The following TRPM2 variants were observed in gnomAD, a reference collection of about 807,000 sequenced individuals.
TRPM2 encodes transient receptor potential cation channel subfamily M member 2.
A neutral mutation model predicts 174.0 loss-of-function variants in TRPM2; 161 were observed. That is an observed-to-expected ratio of 0.93 (90% CI 0.81 to 1.05). TRPM2 has a LOEUF of 1.05. Ranked by LOEUF, TRPM2 falls within the 50% of genes least tolerant of loss-of-function variation. TRPM2 has a pLI of 0.00. For missense variants in TRPM2, 2,057 were observed against 2,038.0 expected (o/e 1.01, Z -0.18); for synonymous variants, 954 against 861.3 (o/e 1.11, Z -1.88).
Position 44,376,785 on chromosome 21 carries a change from T to C in TRPM2, c.952+772T>C, listed in dbSNP as rs1385933142. 6.6e-6 allele frequency among the ~76,000 whole-genome samples: 1 copy of C among 152,190 alleles called. No individual in the cohort carries two copies. The highest frequency in any genetic ancestry group is 1.5e-5 in the Non-Finnish European group (1 of 68,032). ...GGGCTGGGGTCCCTTGCAGGGTTCC[T>C]TGTGCATCGAACTCCCCTGGAGGGT... On this transcript the variant is annotated intron_variant, in intron 6 of 31. Transcript: ENST00000397928. This position sits in a 1 kb window ranked among gnomAD's most constrained non-coding sequence, Gnocchi z 4.2.
At chr21:44,423,613 T>C (rs202010855) in intron 22 of TRPM2, 32 bp from the exon 23 acceptor site, 1 of 1,587,508 alleles carries the variant, frequency 6.3e-7, no homozygotes, top group Non-Finnish European at 8.6e-7. Context: ...CAAGGTGTGG[T>C]GTGCGTCCAG....
chr21:44,403,203 C>T (rs1450124071), intron 16 of TRPM2, among the ~76,000 whole-genome samples: 1 of 152,184 alleles, frequency 6.6e-6, no homozygotes, highest in Non-Finnish European at 1.5e-5. Flanking sequence ...CTTCCTTCTC[C>T]CTGCATCTGT....
chr21:44,358,863 C>G (rs967787398), intron 2 of TRPM2, among the ~76,000 whole-genome samples: 2 of 152,152 alleles, frequency 1.3e-5, no homozygotes, highest in African/African-American at 4.8e-5. Flanking sequence ...GTGAGTGTCA[C>G]AGCTCTTGAA....
At chr21:44,429,473 G>C (rs1275734603) in intron 27 of TRPM2, among the ~76,000 whole-genome samples, 1 of 151,592 alleles carries the variant, frequency 6.6e-6, no homozygotes, top group Admixed American at 6.6e-5. Flanking sequence ...TTTTAGTAGA[G>C]ATGGGGTTTC....
chr21:44,392,841 C>T (rs565846814), intron 11 of TRPM2, among the ~76,000 whole-genome samples: 125 of 152,252 alleles, frequency 8.2e-4, no homozygotes, highest in Non-Finnish European at 1.5e-3. Flanking sequence ...TTTTTTCCGA[C>T]AGTCAGGTCA....
At position 44,354,783 on chromosome 21, in the gene TRPM2, A is replaced by G. The variant is rs9979269; in HGVS notation, c.254+47A>G. 5.4e-3 allele frequency: 8,526 copies of G among 1,571,124 alleles called. 389 individuals are homozygous for G. In the African/African-American group the frequency reaches 0.099, roughly 18 times the overall value. ...TAAGACCTCTGACTTCTTCCTTCCG[A>G]TCCCACATGGAGTAGCTGATCAGGC... On this transcript the variant is annotated intron_variant, in intron 2 of 31. Coordinates refer to ENST00000397928, the MANE Select transcript of TRPM2 (RefSeq NM_003307.4). This position sits in a 1 kb window ranked among gnomAD's most constrained non-coding sequence, Gnocchi z 4.3.
chr21:44,367,054 C>T lies in TRPM2; in HGVS notation c.604+120C>T, dbSNP rs1167220567. On this transcript the variant is annotated intron_variant, in intron 4 of 31. Transcript: ENST00000397928. This position sits in a 1 kb window ranked among gnomAD's most constrained non-coding sequence, Gnocchi z 4.6. Reference sequence around the variant, plus strand: ...TCCCTGGGAGCCGCCGAGGCTGTGCCCCAGCCTGAGTCGGACCCATGCACC... The same window carrying T: ...TCCCTGGGAGCCGCCGAGGCTGTGCTCCAGCCTGAGTCGGACCCATGCACC... 1 of 1,253,850 alleles carries T rather than the reference C, an allele frequency of 8.0e-7. No individual in the cohort carries two copies. The highest frequency in any genetic ancestry group is 1.1e-6 in the Non-Finnish European group (1 of 930,808). 77.7% of individuals were successfully genotyped at this position (1,253,850 alleles called of 1,614,324 possible).
chr21:44,380,510 C>T (rs2048848245), intron 8 of TRPM2, among the ~76,000 whole-genome samples: 2 of 152,206 alleles, frequency 1.3e-5, no homozygotes, highest in Non-Finnish European at 2.9e-5. Context: ...ATTTTTAATG[C>T]ACTCTCCATA....
intron 27 of TRPM2, among the ~76,000 whole-genome samples, chr21:44,434,352 C>T (rs1003716083): frequency 3.4e-5 from 5 of 146,724 alleles, no homozygotes; most frequent in Admixed American, 1.4e-4. Context: ...GGGATGGTGA[C>T]GGGGACTGTG....
intron 2 of TRPM2, among the ~76,000 whole-genome samples, chr21:44,357,336 C>T (rs1256931795): frequency 1.3e-5 from 2 of 152,186 alleles, no homozygotes; most frequent in African/African-American, 4.8e-5. Context: ...GGGGTGCTGA[C>T]CTGGATCAGA....
At chr21:44,436,376 C>G (rs2051266357) in intron 28 of TRPM2, among the ~76,000 whole-genome samples, 1 of 152,102 alleles carries the variant, frequency 6.6e-6, no homozygotes, top group Non-Finnish European at 1.5e-5. Flanking sequence ...GCTGCCCAGC[C>G]ACTCTCACCC....
intron 9 of TRPM2, among the ~76,000 whole-genome samples, chr21:44,386,961 G>A (rs1376305055): frequency 3.3e-5 from 5 of 152,168 alleles, no homozygotes; most frequent in African/African-American, 1.2e-4. Context: ...AGGCCAAAGT[G>A]GGCTGATTGC....
In TRPM2 at chr21:44,391,590, C is replaced by T. The variant is rs1018734779; in HGVS notation, c.1759C>T (p.Arg587Trp). 5 of 1,587,446 alleles carry T rather than the reference C, an allele frequency of 3.1e-6. No individual in the cohort carries two copies. The highest frequency in any genetic ancestry group is 2.7e-5 in the African/African-American group (2 of 74,634). The change falls in exon 11 of 32, where the codon CGG (arginine) becomes TGG (tryptophan). Residue 587 changes from arginine (R) to tryptophan (W), a missense_variant. Coordinates refer to ENST00000397928, the MANE Select transcript of TRPM2 (RefSeq NM_003307.4). The surrounding 1 kb of genome is among the most constrained non-coding windows in gnomAD (Gnocchi z 5.0). ...YPRPRHNDRLRLLLPVPHVKL... is the reference protein window; with the variant it reads ...YPRPRHNDRLWLLLPVPHVKL... ...CCGGCCCCGGCACAACGACCGGCTG[C>T]GGCTCCTGCTGCCCGTTCCCCACGT...
chr21:44,387,515 G>A (rs868078850), intron 9 of TRPM2, among the ~76,000 whole-genome samples: 1 of 152,014 alleles, frequency 6.6e-6, no homozygotes, highest in Non-Finnish European at 1.5e-5. Context: ...TGACACCTAA[G>A]GCACAGGAAA....
chr21:44,418,215 G>T, intron 21 of TRPM2, 107 bp downstream of exon 21: 2 of 1,445,710 alleles, frequency 1.4e-6, no homozygotes, highest in East Asian at 2.3e-5. Context: ...CAGCAGGCGT[G>T]CAGGTCACTC....
At position 44,366,332 on chromosome 21, in the gene TRPM2, G is replaced by A. The variant is rs1018071346; in HGVS notation, c.424-422G>A. On this transcript the variant is annotated intron_variant, in intron 3 of 31. Coordinates refer to ENST00000397928, the MANE Select transcript of TRPM2 (RefSeq NM_003307.4). This position sits in a 1 kb window ranked among gnomAD's most constrained non-coding sequence, Gnocchi z 6.0. ...AGGGGACAGGAGAGGGGGCAGTGCT[G>A]GGTGCACAAGGACAGAAGGGCAGAG... 6.6e-6 allele frequency among the ~76,000 whole-genome samples: 1 copy of A among 152,004 alleles called. No homozygotes were observed. The highest frequency in any genetic ancestry group is 1.9e-4 in the East Asian group (1 of 5,170).
rs45480692 is a variant in TRPM2 at position 44,440,714 on chromosome 21, T to C, written c.4270-75T>C. On this transcript the variant is annotated intron_variant, in intron 30 of 31. Transcript: ENST00000397928. ...AGCTGTGCTCAGAGCTGGGTCAGGG[T>C]GGAGGGCACGAGGTGGGCCGGGGCA... The C allele has an allele frequency of 2.2e-3, 2,828 of 1,270,900 alleles. 38 individuals are homozygous for C. In the African/African-American group the frequency reaches 0.033, roughly 15 times the overall value. The allele number at this position is 1,270,900 out of a possible 1,614,324, so 78.7% of individuals were successfully genotyped here. A position where few individuals can be genotyped will look rare whatever the true frequency, so the allele number is the denominator to read the frequency against.
At chr21:44,362,204 C>G (rs2048228260) in intron 2 of TRPM2, among the ~76,000 whole-genome samples, 1 of 151,988 alleles carries the variant, frequency 6.6e-6, no homozygotes, top group South Asian at 2.1e-4. Context: ...AATATTTCTT[C>G]TACATATATT....
At chr21:44,369,032 T>G in intron 4 of TRPM2, 145 bp from the exon 5 acceptor site, 1 of 885,516 alleles carries the variant, frequency 1.1e-6, no homozygotes, top group African/African-American at 1.7e-5. Context: ...TTACACCTGA[T>G]GCTGGTTTGA....
Sources: allele counts gnomAD v4.1 joint callset (sites outside exome capture counted in the v4.1 genomes callset), GRCh38; gene constraint gnomAD v4.1.1; non-coding constraint Gnocchi (gnomAD v3.1); transcripts MANE v1.5; gene names NCBI Gene and HGNC (gene_info 2026-07-23, HGNC 2026-07-21).